Variants in HOATZ observed in about 807,000 individuals in gnomAD.
HOATZ encodes the protein cilia- and flagella-associated protein HOATZ.
Under a neutral mutation model 24.9 loss-of-function variants are expected in HOATZ, and 26 were observed. That is an observed-to-expected ratio of 1.04 (90% CI 0.76 to 1.45). HOATZ has a LOEUF of 1.45. HOATZ is among the 40% of genes most tolerant of loss of function. HOATZ has a pLI of 0.00. For missense variants in HOATZ, 226 were observed against 201.5 expected (o/e 1.12, Z -0.74); for synonymous variants, 83 against 76.6 (o/e 1.08, Z -0.43).
At position 111,533,480 on chromosome 11, in the gene HOATZ, T is replaced by C. The variant is rs533645249; in HGVS notation, c.340-266T>C. Among the ~76,000 whole-genome samples the C allele has an allele frequency of 3.9e-5, 6 of 152,262 alleles. 1 individual carries two copies. The South Asian group carries it at 1.2e-3, about 32-fold the overall frequency. ...ATTAGGTGCGGAAATAACCCCTGTA[T>C]TTAGGATCAATTATGTAAAGCAGCA... On this transcript the variant is annotated intron_variant, in intron 3 of 5. Transcript: ENST00000375618.
intron 3 of HOATZ, among the ~76,000 whole-genome samples, chr11:111,532,299 G>A (rs937326536): frequency 1.8e-4 from 28 of 151,900 alleles, no homozygotes; most frequent in Admixed American, 1.6e-3. Context: ...GTTGAAATAC[G>A]CCCCCCCACA....
intron 3 of HOATZ, among the ~76,000 whole-genome samples, chr11:111,527,784 G>A (rs1867355366): frequency 6.6e-6 from 1 of 152,190 alleles, no homozygotes; most frequent in Non-Finnish European, 1.5e-5. Flanking sequence ...GAAGCATTCT[G>A]TTATCAAAAT....
intron 3 of HOATZ, among the ~76,000 whole-genome samples, chr11:111,532,346 T>A (rs763760364): frequency 6.6e-6 from 1 of 152,108 alleles, no homozygotes; most frequent in Non-Finnish European, 1.5e-5. Flanking sequence ...CAGCAGTACC[T>A]CAGAATGTGA....
rs1244518465 is a variant in HOATZ at position 111,534,574 on chromosome 11, C to T, written c.452+110C>T. The T allele has an allele frequency of 1.3e-5, 11 of 822,130 alleles. No individual in the cohort carries two copies. In the African/African-American group the frequency reaches 1.5e-4, roughly 12 times the overall value. 50.9% of individuals were successfully genotyped at this position (822,130 alleles called of 1,614,324 possible). A position where few individuals can be genotyped will look rare whatever the true frequency, so the allele number is the denominator to read the frequency against. ...ACCCTTAAATCTTCTAGAAACCCAC[C>T]CGTGTATTACAGATTTCTTGCCTTG... is the stretch of plus-strand genomic sequence containing the variant. On this transcript the variant is annotated intron_variant, in intron 5 of 5. Transcript: ENST00000375618.
chr11:111,515,517 G>A lies in HOATZ; in HGVS notation c.233G>A (p.Ser78Asn), dbSNP rs1591553207. 3 of 1,613,356 alleles carry A rather than the reference G, an allele frequency of 1.9e-6. No individual in the cohort carries two copies. The highest frequency in any genetic ancestry group is 2.5e-6 in the Non-Finnish European group (3 of 1,179,366). ...TCCCTTTTGTATTTTTTAGAAAACA[G>A]CCACTCCTCGCAGTCTTTTCACCTT... ...RPRRSRGSEN[S>N]HSSQSFHLAS... The change falls in exon 2 of 6, where the codon AGC (serine) becomes AAC (asparagine). Residue 78 changes from serine (S) to asparagine (N), a missense_variant. Coordinates refer to ENST00000375618, the MANE Select transcript of HOATZ (RefSeq NM_001100388.2).
At chr11:111,534,703 T>C (rs1867432117) in intron 5 of HOATZ, 2 of 492,740 alleles carry the variant, frequency 4.1e-6, no homozygotes, top group Admixed American at 3.5e-5. Context: ...CAGCTCAGCC[T>C]TGAAGCTCTG....
intron 2 of HOATZ, 30 bp downstream of exon 2, chr11:111,515,582 T>C: frequency 6.4e-7 from 1 of 1,572,594 alleles, no homozygotes; most frequent in Non-Finnish European, 8.8e-7. Context: ...CCTTTCAACA[T>C]TCTGACTCCT....
chr11:111,515,451 A>C, intron 1 of HOATZ, 60 bp from the exon 2 acceptor site: 7 of 1,387,432 alleles, frequency 5.0e-6, no homozygotes, highest in South Asian at 1.2e-5. Flanking sequence ...AAAAATTCAA[A>C]CGCCTTTAAT....
At chr11:111,524,956 G>A (rs1220755671) in intron 3 of HOATZ, 11 of 425,048 alleles carry the variant, frequency 2.6e-5, no homozygotes, top group African/African-American at 8.4e-5. Context: ...CAACTTTCTC[G>A]GATTCAGGTG....
chr11:111,524,871 C>T (rs1469209581), intron 3 of HOATZ: 2 of 433,790 alleles, frequency 4.6e-6, no homozygotes, highest in Non-Finnish European at 9.2e-6. Flanking sequence ...TTTTTCTTTT[C>T]TTTTTTTTTA....
At chr11:111,524,260 G>C (rs1320372132) in intron 3 of HOATZ, among the ~76,000 whole-genome samples, 1 of 152,194 alleles carries the variant, frequency 6.6e-6, no homozygotes, top group Non-Finnish European at 1.5e-5. Flanking sequence ...GGATGTGGGA[G>C]CAACAGAAAA....
intron 3 of HOATZ, among the ~76,000 whole-genome samples, chr11:111,533,491 T>C (rs1867415421): frequency 6.6e-6 from 1 of 152,158 alleles, no homozygotes; most frequent in Admixed American, 6.5e-5. Context: ...TTAGGATCAA[T>C]TATGTAAAGC....
At chr11:111,522,282 A>C (rs1867278408) in intron 3 of HOATZ, among the ~76,000 whole-genome samples, 1 of 152,258 alleles carries the variant, frequency 6.6e-6, no homozygotes. Flanking sequence ...TTTTAAAATT[A>C]ATGCAGAACT....
intron 3 of HOATZ, among the ~76,000 whole-genome samples, chr11:111,528,325 C>T (rs1397537028): frequency 6.6e-6 from 1 of 152,070 alleles, no homozygotes; most frequent in Non-Finnish European, 1.5e-5. Context: ...GAGTGGAGAG[C>T]AAGACCCTGT....
At chr11:111,516,005 T>A in intron 2 of HOATZ, 35 bp from the exon 3 acceptor site, 1 of 1,326,582 alleles carries the variant, frequency 7.5e-7, no homozygotes, top group Non-Finnish European at 1.1e-6. Flanking sequence ...CATAATAAAA[T>A]TATTTCAGAT....
chr11:111,529,428 A>C (rs1867372480), intron 3 of HOATZ, among the ~76,000 whole-genome samples: 1 of 151,994 alleles, frequency 6.6e-6, no homozygotes, highest in Non-Finnish European at 1.5e-5. Context: ...CAGTGGTGCA[A>C]TCTCGGCTCA....
rs369000930 is a variant in HOATZ at position 111,536,797 on chromosome 11, G to A, written c.480G>A (p.Glu160=). The part of the protein sequence containing the change: ...AKKVVSESDK[E]DQEEVKTLD ...AAGTGGTATCAGAGTCAGATAAAGAGGACCAAGAAGAAGTCAAAACTTTGG... is the reference window on the plus strand; with the variant it reads ...AAGTGGTATCAGAGTCAGATAAAGAAGACCAAGAAGAAGTCAAAACTTTGG... The change falls in exon 6 of 6, where the codon GAG becomes GAA. Residue 160 remains glutamate, a synonymous_variant. Transcript: ENST00000375618. 48 of 1,613,652 alleles carry A rather than the reference G, an allele frequency of 3.0e-5. No individual in the cohort carries two copies. In the African/African-American group the frequency reaches 6.1e-4, roughly 21 times the overall value.
chr11:111,524,420 C>G (rs555621753), intron 3 of HOATZ, among the ~76,000 whole-genome samples: 1 of 152,136 alleles, frequency 6.6e-6, no homozygotes, highest in African/African-American at 2.4e-5. Context: ...TAAGAGAAAC[C>G]CTGCCATGGG....
rs374370338 is a variant in HOATZ, at chr11:111,533,775, C to T, written c.369C>T (p.Leu123=). 1.3e-6 allele frequency: 2 copies of T among 1,572,436 alleles called. No individual in the cohort carries two copies. Among genetic ancestry groups the T allele is most frequent in the Non-Finnish European group, 1.7e-6 (2 of 1,167,282 alleles). ...KAKTREEILQ[L]LRKQREERIS... ...AAACAAGAGAAGAGATTCTCCAACT[C>T]TTAAGAAAACAAAGAGAAGAAAGGA... is the stretch of plus-strand genomic sequence containing the variant. Residue 123 remains leucine, a synonymous_variant, in exon 4 of 6, where the codon CTC becomes CTT. Transcript: ENST00000375618.
Sources: allele counts gnomAD v4.1 joint callset (sites outside exome capture counted in the v4.1 genomes callset), GRCh38; gene constraint gnomAD v4.1.1; transcripts MANE v1.5; gene names NCBI Gene and HGNC (gene_info 2026-07-23, HGNC 2026-07-21).